PALM2AKAP2: variants seen among roughly 807,000 people sequenced by gnomAD.
PALM2AKAP2 encodes the protein PALM2 and AKAP2 fusion.
PALM2AKAP2 carries 37 observed loss-of-function variants against 71.5 expected under a neutral mutation model. That is an observed-to-expected ratio of 0.52 (90% CI 0.40 to 0.68). PALM2AKAP2 has a LOEUF of 0.68. Among genes scored for constraint, PALM2AKAP2 ranks in the 30% least tolerant of loss-of-function variants. The pLI, the probability that PALM2AKAP2 is intolerant of heterozygous loss-of-function variation, is 0.00. For missense variants in PALM2AKAP2, 1,224 were observed against 1,191.8 expected, an observed-to-expected ratio of 1.03 and a Z score of -0.40; for synonymous variants, 468 against 478.8, an observed-to-expected ratio of 0.98 and a Z score of 0.29.
intron 1 of PALM2AKAP2, among the ~76,000 whole-genome samples, chr9:110,112,008 G>A (rs572516): frequency 1.9e-3 from 283 of 152,172 alleles, no homozygotes; most frequent in Non-Finnish European, 3.4e-3. Flanking sequence ...GCTATTGTAG[G>A]ATCCCTGCTG....
chr9:109,854,757 A>ATTTTT (rs1314151781), intron 1 of PALM2AKAP2, among the ~76,000 whole-genome samples: 4 of 130,018 alleles, frequency 3.1e-5, no homozygotes, highest in Non-Finnish European at 1.6e-5. Flanking sequence ...TTTTAAAAGA[A>ATTTTT]TGTATCTTTT....
chr9:110,017,539 A>G (rs1317624732), intron 7 of PALM2AKAP2, among the ~76,000 whole-genome samples: 2 of 152,190 alleles, frequency 1.3e-5, no homozygotes, highest in East Asian at 1.9e-4. Flanking sequence ...ATGGGTGCCA[A>G]TAGTAAAACC....
At chr9:110,029,240 TA>T (rs1833236838) in intron 7 of PALM2AKAP2, among the ~76,000 whole-genome samples, 1 of 152,238 alleles carries the variant, frequency 6.6e-6, no homozygotes, top group Non-Finnish European at 1.5e-5. Context: ...AATCTGGGTA[TA>T]TCATGACTTT....
intron 6 of PALM2AKAP2, among the ~76,000 whole-genome samples, chr9:110,009,713 C>CA (rs535271745): frequency 0.11 from 7,651 of 71,646 alleles, 785 homozygotes; most frequent in African/African-American, 0.29. Flanking sequence ...GACTCTGTCT[C>CA]AAAAAAAAAA....
intron 1 of PALM2AKAP2, chr9:109,867,021 T>C (rs941221366): frequency 4.4e-6 from 2 of 456,626 alleles, no homozygotes; most frequent in African/African-American, 4.0e-5. Context: ...TATTTATGTC[T>C]GTGATTTTGA....
intron 2 of PALM2AKAP2, among the ~76,000 whole-genome samples, chr9:109,869,893 A>G (rs548946679): frequency 6.6e-6 from 1 of 152,154 alleles, no homozygotes; most frequent in African/African-American, 2.4e-5. Flanking sequence ...GGTGGGGAGG[A>G]CTGGAGGTGA....
At position 110,141,721 on chromosome 9, in the gene PALM2AKAP2, G is replaced by T. The variant is rs140908810; in HGVS notation, c.2569+3182G>T. ...GAAGAAGTGACTCCACTAGTTTGTT[G>T]TGTGACTCAGATTGATGATTGGATA... is the stretch of plus-strand genomic sequence containing the variant. On this transcript the variant is annotated intron_variant, in intron 2 of 3. Coordinates refer to ENST00000374525, the Ensembl canonical transcript of PALM2AKAP2. Among the ~76,000 whole-genome samples the T allele has an allele frequency of 4.1e-3, 623 of 152,316 alleles. 3 individuals are homozygous for T. The highest frequency in any genetic ancestry group is 7.6e-3 in the Admixed American group (116 of 15,304).
intron 6 of PALM2AKAP2, chr9:109,946,772 G>T (rs1483507997): frequency 1.3e-5 from 2 of 150,840 alleles, no homozygotes; most frequent in African/African-American, 4.9e-5. Flanking sequence ...AAAAGGGGGG[G>T]TATCTCATTT....
At chr9:110,060,480 A>G (rs1223195736) in intron 1 of PALM2AKAP2, among the ~76,000 whole-genome samples, 1 of 152,212 alleles carries the variant, frequency 6.6e-6, no homozygotes, top group African/African-American at 2.4e-5. Context: ...GGTCAAGGTC[A>G]GGCCCACAGG....
chr9:109,943,826 G>C lies in PALM2AKAP2; in HGVS notation c.496+11798G>C, dbSNP rs181799090. ...GTAGTCACACACTGCCATGTCTCTG[G>C]TTTCTCACTTGCCTCCTTTGCTGTG... On this transcript the variant is annotated intron_variant, in intron 6 of 9. Coordinates refer to the PALM2AKAP2 transcript ENST00000302798. 111 of 165,086 alleles carry C rather than the reference G, an allele frequency of 6.7e-4. 1 individual carries two copies. Among genetic ancestry groups the C allele is most frequent in the Non-Finnish European group, 9.2e-5 (7 of 76,032 alleles). 10.2% of individuals were successfully genotyped at this position (165,086 alleles called of 1,614,324 possible). A position where few individuals can be genotyped will look rare whatever the true frequency, so the allele number is the denominator to read the frequency against.
chr9:109,796,516 AG>A (rs1294058397), intron 1 of PALM2AKAP2, among the ~76,000 whole-genome samples: 1 of 152,216 alleles, frequency 6.6e-6, no homozygotes, highest in Non-Finnish European at 1.5e-5. Flanking sequence ...CTCCTAATAA[AG>A]TCATGGTATA....
chr9:109,784,609 TAAG>T (rs1478419939), intron 1 of PALM2AKAP2, among the ~76,000 whole-genome samples: 2 of 152,384 alleles, frequency 1.3e-5, no homozygotes, highest in East Asian at 3.8e-4. Flanking sequence ...TGAATCCTAA[TAAG>T]AAGCTTATGA....
intron 1 of PALM2AKAP2, among the ~76,000 whole-genome samples, chr9:110,116,133 G>GA (rs1458500417): frequency 6.6e-6 from 1 of 152,162 alleles, no homozygotes; most frequent in Non-Finnish European, 1.5e-5. Flanking sequence ...TTGAGTAACA[G>GA]AAGGGTAGGA....
At chr9:110,110,881 C>T (rs983545579) in intron 1 of PALM2AKAP2, among the ~76,000 whole-genome samples, 10 of 151,716 alleles carry the variant, frequency 6.6e-5, no homozygotes, top group African/African-American at 1.9e-4. Flanking sequence ...CCAAATGATG[C>T]GATCCAGGCT....
intron 6 of PALM2AKAP2, among the ~76,000 whole-genome samples, chr9:109,986,892 G>A (rs1178892205): frequency 6.6e-6 from 1 of 152,124 alleles, no homozygotes; most frequent in African/African-American, 2.4e-5. Flanking sequence ...ACATTTCTCT[G>A]CCATTTATTT....
At chr9:109,867,306 T>C (rs1270220572) in intron 1 of PALM2AKAP2, 185 bp from the exon 2 acceptor site, 1 of 579,058 alleles carries the variant, frequency 1.7e-6, no homozygotes, top group Non-Finnish European at 3.1e-6. Flanking sequence ...ACAGCAGACA[T>C]GTTAGGAGAA....
intron 1 of PALM2AKAP2, among the ~76,000 whole-genome samples, chr9:109,713,926 C>T (rs79484694): frequency 0.042 from 6,449 of 152,250 alleles, 185 homozygotes; most frequent in Non-Finnish European, 0.053. Flanking sequence ...AGCTCATCAA[C>T]TGTAGCACAT....
At chr9:110,094,595 A>G (rs10980191) in intron 1 of PALM2AKAP2, among the ~76,000 whole-genome samples, 38,868 of 140,434 alleles carry the variant, frequency 0.28, 6,083 homozygotes, top group African/African-American at 0.45. Context: ...GAAGAAAGGG[A>G]GTGGGGAGGT....
intron 6 of PALM2AKAP2, among the ~76,000 whole-genome samples, chr9:109,955,475 C>T (rs1831729302): frequency 6.6e-6 from 1 of 152,174 alleles, no homozygotes. Flanking sequence ...GTAGTCAACA[C>T]CTCAATAGTT....
Sources: allele counts gnomAD v4.1 joint callset (sites outside exome capture counted in the v4.1 genomes callset), GRCh38; gene constraint gnomAD v4.1.1; transcripts MANE v1.5; gene names NCBI Gene and HGNC (gene_info 2026-07-23, HGNC 2026-07-21).